The following HMCN1 variants were observed in gnomAD, a reference collection of about 807,000 sequenced individuals.
HMCN1 encodes the protein hemicentin 1, also known as hemicentin-1.
Under a neutral mutation model 625.9 loss-of-function variants are expected in HMCN1, and 321 were observed. That is an observed-to-expected ratio of 0.51 (90% CI 0.47 to 0.56). HMCN1 has a LOEUF of 0.56. Among genes scored for constraint, HMCN1 ranks in the 20% least tolerant of loss-of-function variants. The pLI is 0.00. For missense variants in HMCN1, 6,588 were observed against 6,887.3 expected (o/e 0.96, Z 1.54); for synonymous variants, 2,425 against 2,417.6 (o/e 1.00, Z -0.09).
At chr1:186,028,029 A>T (rs892865316) in intron 36 of HMCN1, among the ~76,000 whole-genome samples, 2 of 152,068 alleles carry the variant, frequency 1.3e-5, no homozygotes, top group African/African-American at 4.8e-5. Flanking sequence ...CTTGGTATAG[A>T]TTAATTTATT....
chr1:186,063,095 T>TATATATATATATAC (rs1657853882), intron 48 of HMCN1, among the ~76,000 whole-genome samples: 1 of 126,530 alleles, frequency 7.9e-6, no homozygotes, highest in Admixed American at 7.8e-5. Flanking sequence ...TATATATATA[T>TATATATATATATAC]ATATATATCA....
rs767935181 is a variant in HMCN1, at chr1:185,933,818, G to A, written c.1822G>A (p.Val608Met). ...GSSAASVFLT[V>M]QEPPKVTVMP... Reference sequence around the variant, plus strand: ...ATCAGCCGCTTCAGTTTTCCTCACAGTGCAAGGTACAGTGCTTTGGTAACT... The same window carrying A: ...ATCAGCCGCTTCAGTTTTCCTCACAATGCAAGGTACAGTGCTTTGGTAACT... Residue 608 changes from valine (V) to methionine (M), a missense_variant, in exon 11 of 107, where the codon GTG (valine) becomes ATG (methionine). Physicochemically the swap from Val to Met is conservative, Grantham distance 21 (BLOSUM62 1). Around this residue, in one of 3 missense-constraint regions of HMCN1, gnomAD observed 4,628 missense variants for 4,853.1 expected, o/e 0.95. Coordinates refer to ENST00000271588, the MANE Select transcript of HMCN1 (RefSeq NM_031935.3). 2 of 1,613,562 alleles carry A rather than the reference G, an allele frequency of 1.2e-6. No individual in the cohort carries two copies. The highest frequency in any genetic ancestry group is 2.7e-5 in the African/African-American group (2 of 75,034).
chr1:186,054,251 G>A (rs1657158321), intron 44 of HMCN1, among the ~76,000 whole-genome samples: 1 of 151,962 alleles, frequency 6.6e-6, no homozygotes, highest in Admixed American at 6.6e-5. Flanking sequence ...GGGACAGATA[G>A]TGGACATGTG....
At chr1:185,971,913 G>T (rs1056983696) in intron 15 of HMCN1, among the ~76,000 whole-genome samples, 7 of 152,126 alleles carry the variant, frequency 4.6e-5, no homozygotes, top group Admixed American at 2.6e-4. Context: ...AAACTCTGTG[G>T]TTATTAAGAG....
intron 1 of HMCN1, among the ~76,000 whole-genome samples, chr1:185,778,548 A>G (rs1656795266): frequency 8.1e-6 from 1 of 123,012 alleles, no homozygotes; most frequent in African/African-American, 3.2e-5. Context: ...TTCTGTGTCC[A>G]AGTGTTCTCA....
chr1:186,164,934 T>C (rs1354810432), intron 97 of HMCN1, among the ~76,000 whole-genome samples, 177 bp from the exon 98 acceptor site: 1 of 152,232 alleles, frequency 6.6e-6, no homozygotes, highest in East Asian at 1.9e-4. Context: ...CTGTGATTCA[T>C]GTACTTCTTG....
intron 11 of HMCN1, among the ~76,000 whole-genome samples, chr1:185,959,254 A>G (rs1232692639): frequency 6.6e-6 from 1 of 152,196 alleles, no homozygotes; most frequent in Non-Finnish European, 1.5e-5. Context: ...AGAGCAACAA[A>G]TCAGACCCAG....
intron 1 of HMCN1, among the ~76,000 whole-genome samples, chr1:185,803,612 A>C (rs1658969745): frequency 6.6e-6 from 1 of 152,154 alleles, no homozygotes; most frequent in South Asian, 2.1e-4. Flanking sequence ...TGAGGCAGAA[A>C]GGGCACTTTT....
intron 36 of HMCN1, among the ~76,000 whole-genome samples, chr1:186,036,897 C>A (rs986767742): frequency 8.6e-5 from 13 of 152,016 alleles, no homozygotes; most frequent in African/African-American, 3.1e-4. Flanking sequence ...GCCACCCATA[C>A]AAGTATTAAC....
At chr1:186,136,553 G>C in intron 86 of HMCN1, 115 bp from the exon 87 acceptor site, 1 of 923,592 alleles carries the variant, frequency 1.1e-6, no homozygotes, top group Admixed American at 1.8e-5. Context: ...GGAAGCAACA[G>C]TGTTTTATAA....
intron 2 of HMCN1, among the ~76,000 whole-genome samples, chr1:185,853,022 C>T (rs761418138): frequency 7.9e-5 from 12 of 151,958 alleles, no homozygotes; most frequent in Non-Finnish European, 5.9e-5. Context: ...GTATTTAATG[C>T]CAAAGCCAGT....
chr1:185,787,959 A>G (rs1337994679), intron 1 of HMCN1, among the ~76,000 whole-genome samples: 5 of 152,222 alleles, frequency 3.3e-5, no homozygotes, highest in Admixed American at 1.3e-4. Flanking sequence ...GAGTAAATAT[A>G]TACCAAATCT....
intron 1 of HMCN1, among the ~76,000 whole-genome samples, chr1:185,748,764 T>G (rs1273413148): frequency 6.6e-6 from 1 of 152,204 alleles, no homozygotes; most frequent in African/African-American, 2.4e-5. Flanking sequence ...ACAATCATAC[T>G]TCCTTTGCAG....
intron 4 of HMCN1, among the ~76,000 whole-genome samples, chr1:185,906,951 ATTTTTT>A (rs573094693): frequency 1.3e-3 from 145 of 108,660 alleles, no homozygotes; most frequent in African/African-American, 4.1e-3. Context: ...AATCCTTTCT[ATTTTTT>A]TTTTTTTTTT....
At chr1:185,934,586 A>G (rs1667720607) in intron 11 of HMCN1, among the ~76,000 whole-genome samples, 1 of 152,208 alleles carries the variant, frequency 6.6e-6, no homozygotes, top group African/African-American at 2.4e-5. Context: ...AAAGACCAGC[A>G]GGGAATCTTA....
At chr1:186,069,424 C>T (rs1234371755) in intron 50 of HMCN1, among the ~76,000 whole-genome samples, 1 of 152,116 alleles carries the variant, frequency 6.6e-6, no homozygotes, top group Non-Finnish European at 1.5e-5. Context: ...AAAGGCATGG[C>T]AGGTCTGAAT....
chr1:186,123,672 T>A (rs191207174), intron 81 of HMCN1, among the ~76,000 whole-genome samples: 1 of 152,296 alleles, frequency 6.6e-6, no homozygotes, highest in East Asian at 1.9e-4. Context: ...TACATGTATA[T>A]TTTTATAACA....
chr1:186,041,275 AT>A (rs1656188712), intron 40 of HMCN1, 139 bp downstream of exon 40: 1 of 832,016 alleles, frequency 1.2e-6, no homozygotes, highest in Admixed American at 2.0e-5. Context: ...TTCAAATCAA[AT>A]TCTCTTTCTG....
chr1:186,016,385 G>T, intron 32 of HMCN1, 146 bp downstream of exon 32: 1 of 710,604 alleles, frequency 1.4e-6, no homozygotes, highest in Non-Finnish European at 2.3e-6. Flanking sequence ...ATTACCAAGG[G>T]GTGGATTTGT....
Sources: gnomAD v4.1 joint callset for allele counts (sites outside exome capture counted in the v4.1 genomes callset) on GRCh38, gnomAD v4.1.1 for gene constraint, gnomAD v4.1.1 regional missense constraint, MANE v1.5 for transcripts, NCBI Gene and HGNC (gene_info 2026-07-23, HGNC 2026-07-21) for gene names.